RNLS: variants seen among roughly 807,000 people sequenced by gnomAD.
RNLS encodes renalase, FAD dependent amine oxidase.
RNLS carries 39 observed loss-of-function variants against 39.8 expected under a neutral mutation model. That is an observed-to-expected ratio of 0.98 (90% CI 0.76 to 1.28). RNLS has a LOEUF of 1.28. RNLS is among the 50% of genes most tolerant of loss of function. The pLI is 0.00. For synonymous variants in RNLS, 147 were observed against 150.7 expected, an observed-to-expected ratio of 0.98 and a Z score of 0.18; for missense variants, 410 against 413.3, an observed-to-expected ratio of 0.99 and a Z score of 0.07.
chr10:88,290,044 C>T (rs1426616), intron 6 of RNLS, among the ~76,000 whole-genome samples: 2 of 151,788 alleles, frequency 1.3e-5, no homozygotes, highest in East Asian at 1.9e-4. Context: ...AAAGTTCACA[C>T]AAAAAAGTGC....
At chr10:88,424,915 C>T (rs1054414198) in intron 4 of RNLS, among the ~76,000 whole-genome samples, 5 of 152,068 alleles carry the variant, frequency 3.3e-5, no homozygotes, top group African/African-American at 1.2e-4. Flanking sequence ...TTTTCTTCAT[C>T]TACATTTTTA....
At chr10:88,503,712 T>C (rs1159308993) in intron 4 of RNLS, among the ~76,000 whole-genome samples, 1 of 152,184 alleles carries the variant, frequency 6.6e-6, no homozygotes, top group Non-Finnish European at 1.5e-5. Context: ...ATGTGGTAGT[T>C]TTCAAGATAT....
chr10:88,527,164 A>T (rs1222512344), intron 4 of RNLS, among the ~76,000 whole-genome samples: 2 of 152,168 alleles, frequency 1.3e-5, no homozygotes, highest in African/African-American at 4.8e-5. Flanking sequence ...GAATTAAGTG[A>T]AAGTCTACAG....
chr10:88,442,095 C>A (rs1162126773), intron 4 of RNLS, among the ~76,000 whole-genome samples: 1 of 152,162 alleles, frequency 6.6e-6, no homozygotes, highest in African/African-American at 2.4e-5. Flanking sequence ...AGCCCTTCTG[C>A]AGAGACAGGG....
intron 4 of RNLS, among the ~76,000 whole-genome samples, chr10:88,400,377 G>A (rs560814791): frequency 1.3e-5 from 2 of 151,938 alleles, no homozygotes; most frequent in African/African-American, 4.8e-5. Flanking sequence ...TAGTCACATT[G>A]AACATAATGC....
At chr10:88,275,515 A>G (rs907912454) in intron 6 of RNLS, among the ~76,000 whole-genome samples, 3 of 152,200 alleles carry the variant, frequency 2.0e-5, no homozygotes, top group Non-Finnish European at 2.9e-5. Flanking sequence ...GATGTCTATC[A>G]GTAGGGAAAT....
At chr10:88,374,230 A>G (rs757084081) in intron 4 of RNLS, among the ~76,000 whole-genome samples, 11 of 152,108 alleles carry the variant, frequency 7.2e-5, no homozygotes, top group Admixed American at 3.3e-4. Flanking sequence ...GTCCTGGCTC[A>G]TCTCTGGAAA....
At chr10:88,241,994 T>C in the RNLS span, among the ~76,000 whole-genome samples, 1 of 152,200 alleles carries the variant, frequency 6.6e-6, no homozygotes, top group South Asian at 2.1e-4. Context: ...TCTATCATCA[T>C]GTTTTATGTG....
the RNLS span, among the ~76,000 whole-genome samples, chr10:88,172,747 A>G: frequency 6.8e-6 from 1 of 147,014 alleles, no homozygotes; most frequent in African/African-American, 2.5e-5. Context: ...TAAAATCTTT[A>G]TCAAGACTAA....
chr10:88,548,498 G>A (rs897287163), intron 4 of RNLS, among the ~76,000 whole-genome samples: 32 of 148,346 alleles, frequency 2.2e-4, no homozygotes, highest in African/African-American at 6.9e-4. Context: ...AATTAGCCAG[G>A]CATGGTGGTG....
intron 6 of RNLS, among the ~76,000 whole-genome samples, chr10:88,287,910 T>C (rs1172350978): frequency 6.6e-6 from 1 of 152,072 alleles, no homozygotes; most frequent in Non-Finnish European, 1.5e-5. Context: ...GAGACTTGGA[T>C]GGGGACACAG....
exon 7 of RNLS, chr10:88,274,939 G>A: frequency 6.3e-7 from 1 of 1,588,542 alleles, no homozygotes; most frequent in Non-Finnish European, 8.6e-7. Context: ...AAACCTGACT[G>A]TGTGCTCCAA....
Position 88,548,033 on chromosome 10 carries a change from G to C in RNLS, c.526+24870C>G, listed in dbSNP as rs570446799. ...TCCCAGCACTTTGGGAGGCTGAGGC[G>C]GGGAGGGTGCCTGAGCTCAGGAGTT... On this transcript the variant is annotated intron_variant, in intron 4 of 6. Transcript: ENST00000331772. Among the ~76,000 whole-genome samples, 6 of 151,640 alleles carry C rather than the reference G, an allele frequency of 4.0e-5. No homozygotes were observed. The East Asian group carries it at 1.2e-3, about 30-fold the overall frequency.
chr10:88,575,002 G>A (rs1270714830), intron 3 of RNLS, among the ~76,000 whole-genome samples: 1 of 151,300 alleles, frequency 6.6e-6, no homozygotes, highest in Non-Finnish European at 1.5e-5. Context: ...ACAATATGCT[G>A]TTATTGTTGG....
At chr10:88,457,830 T>C (rs1333704822) in intron 4 of RNLS, among the ~76,000 whole-genome samples, 1 of 152,178 alleles carries the variant, frequency 6.6e-6, no homozygotes, top group Middle Eastern at 3.2e-3. Flanking sequence ...GAACATTCTG[T>C]AGCAGCTGTG....
At chr10:88,187,158 A>T in the RNLS span, among the ~76,000 whole-genome samples, 11 of 113,530 alleles carry the variant, frequency 9.7e-5, no homozygotes, top group African/African-American at 2.5e-4. Context: ...ATATATATAT[A>T]ATATATATAA....
chr10:88,233,585 C>T, the RNLS span, among the ~76,000 whole-genome samples: 1 of 152,182 alleles, frequency 6.6e-6, no homozygotes, highest in African/African-American at 2.4e-5. Flanking sequence ...ATAAGTACGT[C>T]CCATGCAATA....
intron 4 of RNLS, among the ~76,000 whole-genome samples, chr10:88,434,049 T>A (rs758434642): frequency 5.3e-5 from 8 of 152,158 alleles, no homozygotes; most frequent in African/African-American, 1.4e-4. Flanking sequence ...TTCTGACTTG[T>A]TGAGGTTTTC....
intron 4 of RNLS, among the ~76,000 whole-genome samples, chr10:88,417,549 T>C (rs1036677685): frequency 2.0e-5 from 3 of 152,308 alleles, no homozygotes; most frequent in East Asian, 1.9e-4. Flanking sequence ...GTGTGAAAGA[T>C]AATACAGCAT....
Sources: allele counts gnomAD v4.1 joint callset (sites outside exome capture counted in the v4.1 genomes callset), GRCh38; gene constraint gnomAD v4.1.1; transcripts MANE v1.5; gene names NCBI Gene and HGNC (gene_info 2026-07-23, HGNC 2026-07-21).